SCAF8: variants seen among roughly 807,000 people sequenced by gnomAD.
The protein encoded by SCAF8 is SR-related CTD associated factor 8.
SCAF8 carries 23 observed loss-of-function variants against 140.5 expected under a neutral mutation model. The observed-to-expected ratio is 0.16, with a 90% CI of 0.12 to 0.23. SCAF8 has a LOEUF of 0.23. Among genes scored for constraint, SCAF8 ranks in the 10% least tolerant of loss-of-function variants. SCAF8 has a pLI of 1.00. For synonymous variants in SCAF8, 575 were observed against 528.9 expected (o/e 1.09, Z -1.20); for missense variants, 1,397 against 1,555.7 (o/e 0.90, Z 1.72).
rs368172372 is a variant in SCAF8 at position 154,827,195 on chromosome 6, C to T, written c.2095C>T (p.Pro699Ser). 27 of 1,604,154 alleles carry T rather than the reference C, an allele frequency of 1.7e-5. No homozygotes were observed. Among genetic ancestry groups the T allele is most frequent in the Non-Finnish European group, 2.3e-5 (27 of 1,176,114 alleles). Residue 699 changes from proline (P) to serine (S), a missense_variant, in exon 18 of 20, where the codon CCA becomes TCA. Transcript: ENST00000367178. Reference protein sequence around the residue: ...PPGFMPPPVPPPVVPPPTIPP... With the variant: ...PPGFMPPPVPSPVVPPPTIPP... ...AGGTTTCATGCCGCCTCCAGTTCCCCCACCTGTTGTGCCACCCCCTACGAT... is the reference window on the plus strand; with the variant it reads ...AGGTTTCATGCCGCCTCCAGTTCCCTCACCTGTTGTGCCACCCCCTACGAT...
intron 1 of SCAF8, among the ~76,000 whole-genome samples, chr6:154,769,762 T>G (rs1421078193): frequency 6.6e-6 from 1 of 152,236 alleles, no homozygotes; most frequent in African/African-American, 2.4e-5. Context: ...TTGTTTGGTG[T>G]TGTGTCCTAT....
chr6:154,812,697 A>G (rs920038664), intron 12 of SCAF8, among the ~76,000 whole-genome samples: 7 of 152,142 alleles, frequency 4.6e-5, no homozygotes, highest in Admixed American at 2.0e-4. Context: ...AGTCTAGGGG[A>G]TATAAAGCAC....
chr6:154,804,404 T>G (rs1009420972), intron 8 of SCAF8, among the ~76,000 whole-genome samples: 4 of 152,232 alleles, frequency 2.6e-5, no homozygotes, highest in African/African-American at 9.6e-5. Context: ...TGAAATCATG[T>G]TGATCAGTGT....
chr6:154,821,390 A>G (rs779605185), intron 15 of SCAF8, among the ~76,000 whole-genome samples: 51 of 152,104 alleles, frequency 3.4e-4, no homozygotes, highest in Non-Finnish European at 6.6e-4. Context: ...GCAGCAGAGA[A>G]CACATGACCC....
chr6:154,736,121 G>C (rs1778410984), intron 1 of SCAF8, among the ~76,000 whole-genome samples: 1 of 151,978 alleles, frequency 6.6e-6, no homozygotes, highest in Non-Finnish European at 1.5e-5. Context: ...CACCACGCCT[G>C]GGGGATTTCG....
intron 6 of SCAF8, among the ~76,000 whole-genome samples, chr6:154,800,710 G>A (rs570376438): frequency 1.3e-5 from 2 of 151,154 alleles, no homozygotes; most frequent in African/African-American, 4.8e-5. Flanking sequence ...GAAAACATGG[G>A]GCCATTCTAG....
chr6:154,760,289 G>A (rs1779069738), intron 1 of SCAF8, among the ~76,000 whole-genome samples: 2 of 152,108 alleles, frequency 1.3e-5, no homozygotes, highest in South Asian at 4.2e-4. Context: ...GCAAGACTCT[G>A]TCTCTAAATA....
rs188206890 is a variant in SCAF8 at position 154,821,042 on chromosome 6, T to C, written c.1792+709T>C. Among the ~76,000 whole-genome samples, 4 of 152,308 alleles carry C rather than the reference T, an allele frequency of 2.6e-5. No individual in the cohort carries two copies. In the East Asian group the frequency reaches 7.7e-4, roughly 29 times the overall value. On this transcript the variant is annotated intron_variant, in intron 15 of 19. Coordinates refer to ENST00000367178, the MANE Select transcript of SCAF8 (RefSeq NM_014892.5). ...AATTTTGAACCATTTTTTTTCTTCC[T>C]GTCAGGCCTATTCCTCACCCCACCC...
At chr6:154,748,893 C>A (rs1295452820) in intron 1 of SCAF8, among the ~76,000 whole-genome samples, 3 of 152,184 alleles carry the variant, frequency 2.0e-5, no homozygotes, top group Admixed American at 2.0e-4. Flanking sequence ...TCTCTTAGAG[C>A]TGTAACAGTT....
rs1438977914 is a variant in SCAF8 at position 154,808,717 on chromosome 6, T to G, written c.1145T>G (p.Val382Gly). ...GATATAGATGAAGGGCAAGATGGAG[T>G]GGAAGAGGAGGTCTTTGAACAAGAA... is the stretch of plus-strand genomic sequence containing the variant. ...DMDIDEGQDG[V>G]EEEVFEQEAK... Residue 382 changes from valine to glycine, a missense_variant, in exon 11 of 20, where the codon GTG becomes GGG. By Grantham distance (109) the Val-to-Gly change is moderately radical. Transcript: ENST00000367178. 1 of 1,613,380 alleles carries G rather than the reference T, an allele frequency of 6.2e-7. No individual in the cohort carries two copies.
At chr6:154,759,701 T>C (rs1779051504) in intron 1 of SCAF8, among the ~76,000 whole-genome samples, 2 of 150,862 alleles carry the variant, frequency 1.3e-5, no homozygotes, top group Non-Finnish European at 3.0e-5. Flanking sequence ...GTCTCGCTCT[T>C]GTCACCCGGG....
At chr6:154,815,002 T>C (rs1778204388) in intron 12 of SCAF8, among the ~76,000 whole-genome samples, 1 of 152,166 alleles carries the variant, frequency 6.6e-6, no homozygotes, top group Non-Finnish European at 1.5e-5. Context: ...AGAAAGACGC[T>C]TAAAAGGTTC....
In SCAF8 at chr6:154,832,598, A is replaced by G; in HGVS notation, c.3019A>G (p.Asn1007Asp). 1 of 1,614,172 alleles carries G rather than the reference A, an allele frequency of 6.2e-7. No homozygotes were observed. Among genetic ancestry groups the G allele is most frequent in the Non-Finnish European group, 8.5e-7 (1 of 1,180,012 alleles). ...AAAAAGGATACCACTTGGGAATGAT[A>G]ACATTCAACAGGAAGGAGATAGAGA... ...PEKRIPLGND[N>D]IQQEGDRDYR... Residue 1007 changes from asparagine (N) to aspartate (D), a missense_variant, in exon 20 of 20, where the codon AAC becomes GAC. By Grantham distance (23) the Asn-to-Asp change is conservative (BLOSUM62 1). Transcript: ENST00000367178.
chr6:154,787,174 G>A (rs1777279744), intron 3 of SCAF8, among the ~76,000 whole-genome samples: 1 of 152,198 alleles, frequency 6.6e-6, no homozygotes, highest in African/African-American at 2.4e-5. Flanking sequence ...GGGCAACATG[G>A]TGAAACCAAG....
intron 9 of SCAF8, among the ~76,000 whole-genome samples, chr6:154,806,852 G>T (rs1237614896): frequency 6.6e-6 from 1 of 152,092 alleles, no homozygotes; most frequent in Non-Finnish European, 1.5e-5. Flanking sequence ...GAACCCAGAA[G>T]TTGAAGATAG....
chr6:154,769,039 G>A (rs1189250172), intron 1 of SCAF8, among the ~76,000 whole-genome samples: 1 of 146,600 alleles, frequency 6.8e-6, no homozygotes, highest in African/African-American at 2.6e-5. Flanking sequence ...CTCCAGCGTG[G>A]GCGACAGAGT....
At chr6:154,741,701 C>T (rs764385826) in intron 1 of SCAF8, among the ~76,000 whole-genome samples, 2 of 152,180 alleles carry the variant, frequency 1.3e-5, no homozygotes, top group African/African-American at 2.4e-5. Context: ...GCCACCGCGC[C>T]CGGCCCGTTT....
intron 1 of SCAF8, among the ~76,000 whole-genome samples, chr6:154,772,387 C>G (rs923379247): frequency 4.6e-5 from 7 of 152,106 alleles, no homozygotes; most frequent in Non-Finnish European, 8.8e-5. Context: ...TGAGAAATTT[C>G]AAAACAAAGA....
At position 154,733,727 on chromosome 6, in the gene SCAF8, A is replaced by C; in HGVS notation, c.-174A>C. ...GCCGGTGCCGCTCTGCCGCTGAGGG[A>C]GCCCTTCCCCGCCAGCGCGTGCCCT... On this transcript the variant is annotated 5_prime_UTR_variant, in exon 1 of 20. Coordinates refer to ENST00000367178, the MANE Select transcript of SCAF8 (RefSeq NM_014892.5). 7.8e-7 allele frequency: 1 copy of C among 1,287,202 alleles called. No homozygotes were observed. The highest frequency in any genetic ancestry group is 9.8e-7 in the Non-Finnish European group (1 of 1,019,978). The allele number at this position is 1,287,202 out of a possible 1,614,324, so 79.7% of individuals were successfully genotyped here.
Sources: allele counts gnomAD v4.1 joint callset (sites outside exome capture counted in the v4.1 genomes callset), GRCh38; gene constraint gnomAD v4.1.1; transcripts MANE v1.5; gene names NCBI Gene and HGNC (gene_info 2026-07-23, HGNC 2026-07-21).